MGAT4D: variants seen among roughly 807,000 people sequenced by gnomAD.
MGAT4D encodes the protein alpha-1,3-mannosyl-glycoprotein 4-beta-N-acetylglucosaminyltransferase-like protein MGAT4D.
In MGAT4D, 34 loss-of-function variants were observed where a neutral mutation model predicts 15.9. That is an observed-to-expected ratio of 2.14 (90% CI 1.62 to 2.84). The LOEUF is 2.84. Among genes scored for constraint, MGAT4D ranks in the 30% most tolerant of loss-of-function variants. The pLI, the probability that MGAT4D is intolerant of heterozygous loss-of-function variation, is 0.00. For synonymous variants in MGAT4D, 112 were observed against 48.2 expected (o/e 2.33, Z -5.49); for missense variants, 327 against 140.2 (o/e 2.33, Z -6.73).
chr4:140,466,834 C>T (rs1731565683), intron 5 of MGAT4D, among the ~76,000 whole-genome samples: 1 of 152,074 alleles, frequency 6.6e-6, no homozygotes, highest in African/African-American at 2.4e-5. Flanking sequence ...GAAGAAAGCT[C>T]ATGTTTTATA....
intron 5 of MGAT4D, among the ~76,000 whole-genome samples, chr4:140,466,718 A>T (rs976047409): frequency 6.6e-6 from 1 of 152,118 alleles, no homozygotes; most frequent in African/African-American, 2.4e-5. Flanking sequence ...TTGTTTGTTA[A>T]TATTGGCTTG....
At chr4:140,490,500 C>T (rs1733431695) in intron 1 of MGAT4D, among the ~76,000 whole-genome samples, 2 of 152,194 alleles carry the variant, frequency 1.3e-5, no homozygotes, top group Non-Finnish European at 2.9e-5. Flanking sequence ...ACATACCTTA[C>T]CATCAATGGC....
rs1729840648 is a variant in MGAT4D, at chr4:140,442,475, G to A, written c.*961C>T. 6.6e-6 allele frequency: 1 copy of A among 151,934 alleles called. No homozygotes were observed. The highest frequency in any genetic ancestry group is 1.5e-5 in the Non-Finnish European group (1 of 67,964). The allele number at this position is 151,934 out of a possible 1,614,324, so 9.4% of individuals were successfully genotyped here. ...TCAAGAAGAAAAATAGATTTTAATG[G>A]GCCCCTGTAGAAACTGATGGATCAA... On this transcript the variant is annotated 3_prime_UTR_variant, in exon 11 of 11. Coordinates refer to ENST00000511113, the MANE Select transcript of MGAT4D (RefSeq NM_001277353.2).
At chr4:140,471,852 T>A (rs1047414680) in intron 4 of MGAT4D, 31 bp from the exon 5 acceptor site, 2 of 433,450 alleles carry the variant, frequency 4.6e-6, no homozygotes, top group Middle Eastern at 3.3e-4. Flanking sequence ...TTACTGAAAC[T>A]AAGCATGTCT....
chr4:140,467,725 A>G (rs946953425), intron 5 of MGAT4D, among the ~76,000 whole-genome samples: 5 of 152,104 alleles, frequency 3.3e-5, no homozygotes, highest in African/African-American at 1.2e-4. Context: ...GGAGAAAATA[A>G]TATAACTCTA....
intron 9 of MGAT4D, among the ~76,000 whole-genome samples, chr4:140,454,289 C>T (rs1249058796): frequency 6.6e-6 from 1 of 151,992 alleles, no homozygotes; most frequent in East Asian, 1.9e-4. Flanking sequence ...CTTTCTATTC[C>T]TAATTGGCTG....
rs73856606 is a variant in MGAT4D at position 140,455,689 on chromosome 4, G to A, written c.1008+900C>T. Among the ~76,000 whole-genome samples, 215 of 152,056 alleles carry A rather than the reference G, an allele frequency of 1.4e-3. 1 individual carries two copies. Among genetic ancestry groups the A allele is most frequent in the African/African-American group, 4.6e-3 (191 of 41,506 alleles). On this transcript the variant is annotated intron_variant, in intron 9 of 10. Transcript: ENST00000511113. ...AAATCTCCAACTGTAATTGTAGATCGGTCTATTTTTTCTTTTAGTTCTGTC... is the reference window on the plus strand; with the variant it reads ...AAATCTCCAACTGTAATTGTAGATCAGTCTATTTTTTCTTTTAGTTCTGTC...
rs185348962 is a variant in MGAT4D at position 140,488,055 on chromosome 4, A to G, written c.95-5570T>C. 9.2e-5 allele frequency among the ~76,000 whole-genome samples: 14 copies of G among 152,304 alleles called. 1 individual carries two copies. In the South Asian group the frequency reaches 2.5e-3, roughly 27 times the overall value. On this transcript the variant is annotated intron_variant, in intron 1 of 10. Coordinates refer to ENST00000511113, the MANE Select transcript of MGAT4D (RefSeq NM_001277353.2). ...TGGTTTTCTCTTTATCATCATTGATACTACCATAGCTCAAGCTTTATTGCC... is the reference window on the plus strand; with the variant it reads ...TGGTTTTCTCTTTATCATCATTGATGCTACCATAGCTCAAGCTTTATTGCC...
chr4:140,480,307 G>A (rs543620713), intron 2 of MGAT4D, among the ~76,000 whole-genome samples: 20 of 152,164 alleles, frequency 1.3e-4, no homozygotes, highest in African/African-American at 4.6e-4. Flanking sequence ...ACATTGACTT[G>A]TTTTTCATGC....
chr4:140,467,293 A>G (rs1029053451), intron 5 of MGAT4D, among the ~76,000 whole-genome samples: 2 of 152,170 alleles, frequency 1.3e-5, no homozygotes, highest in East Asian at 3.8e-4. Flanking sequence ...TTTGTGGTAA[A>G]AGTTAGTAAC....
chr4:140,477,087 C>A (rs543204346), intron 3 of MGAT4D, among the ~76,000 whole-genome samples: 30 of 152,308 alleles, frequency 2.0e-4, no homozygotes, highest in African/African-American at 7.2e-4. Context: ...ATAGTGCATG[C>A]AAGACACACA....
chr4:140,463,648 T>A (rs1473830960), intron 6 of MGAT4D, among the ~76,000 whole-genome samples: 6 of 151,998 alleles, frequency 3.9e-5, no homozygotes, highest in Admixed American at 3.3e-4. Context: ...TGAAAAAAAA[T>A]AATAAAATTA....
chr4:140,465,090 T>A, intron 5 of MGAT4D, 81 bp from the exon 6 acceptor site: 4 of 612,814 alleles, frequency 6.5e-6, no homozygotes, highest in Non-Finnish European at 1.2e-5. Flanking sequence ...ATAATTTTCT[T>A]ATGCATGGCC....
At chr4:140,448,370 C>A (rs1019750260) in intron 10 of MGAT4D, among the ~76,000 whole-genome samples, 9 of 152,128 alleles carry the variant, frequency 5.9e-5, no homozygotes, top group Non-Finnish European at 1.3e-4. Context: ...TGTACATAAT[C>A]TCATATTTCT....
chr4:140,475,660 C>CAAAAAAAAAA (rs1162390812), intron 3 of MGAT4D, among the ~76,000 whole-genome samples: 1 of 52,876 alleles, frequency 1.9e-5, no homozygotes, highest in Non-Finnish European at 3.8e-5. Context: ...AATAAAACTG[C>CAAAAAAAAAA]AAAAAAAAAA....
At chr4:140,487,417 A>C (rs1386149569) in intron 1 of MGAT4D, among the ~76,000 whole-genome samples, 1 of 152,248 alleles carries the variant, frequency 6.6e-6, no homozygotes, top group Non-Finnish European at 1.5e-5. Flanking sequence ...GCAAGGCTCC[A>C]AGGCATTGTG....
chr4:140,455,727 A>C (rs1388820585), intron 9 of MGAT4D, among the ~76,000 whole-genome samples: 1 of 152,116 alleles, frequency 6.6e-6, no homozygotes, highest in Non-Finnish European at 1.5e-5. Flanking sequence ...TTTTTGCTTC[A>C]TGTATTTCAA....
chr4:140,489,584 G>A (rs1490255976), intron 1 of MGAT4D, among the ~76,000 whole-genome samples: 2 of 152,054 alleles, frequency 1.3e-5, no homozygotes, highest in Non-Finnish European at 2.9e-5. Context: ...ATTTTTGCAA[G>A]CTGACTTACA....
intron 1 of MGAT4D, among the ~76,000 whole-genome samples, chr4:140,491,220 T>C (rs1211177344): frequency 1.3e-5 from 2 of 152,196 alleles, no homozygotes; most frequent in Non-Finnish European, 2.9e-5. Context: ...ACTCCTCTTC[T>C]GCCCCATGGA....
Sources: gnomAD v4.1 joint callset for allele counts (sites outside exome capture counted in the v4.1 genomes callset) on GRCh38, gnomAD v4.1.1 for gene constraint, MANE v1.5 for transcripts, NCBI Gene and HGNC (gene_info 2026-07-23, HGNC 2026-07-21) for gene names.